EPHA5: variants seen among roughly 807,000 people sequenced by gnomAD.
The protein encoded by EPHA5 is ephrin type-A receptor 5.
Under a neutral mutation model 105.0 loss-of-function variants are expected in EPHA5, and 60 were observed. The observed-to-expected ratio is 0.57, with a 90% CI of 0.46 to 0.71. The LOEUF (loss-of-function observed/expected upper bound fraction) is 0.71. Among genes scored for constraint, EPHA5 ranks in the 30% least tolerant of loss-of-function variants. EPHA5 has a pLI of 0.00. For synonymous variants in EPHA5, 513 were observed against 449.1 expected, an observed-to-expected ratio of 1.14 and a Z score of -1.80; for missense variants, 1,218 against 1,274.7, an observed-to-expected ratio of 0.96 and a Z score of 0.68.
chr4:65,558,128 C>A (rs890707717), intron 3 of EPHA5, among the ~76,000 whole-genome samples: 9 of 152,090 alleles, frequency 5.9e-5, no homozygotes, highest in African/African-American at 2.2e-4. Context: ...CTGCCCACCT[C>A]AACCTCCCAA....
At chr4:65,488,451 G>C (rs1376088679) in intron 5 of EPHA5, among the ~76,000 whole-genome samples, 1 of 152,162 alleles carries the variant, frequency 6.6e-6, no homozygotes, top group African/African-American at 2.4e-5. Context: ...TGAAGCCAAA[G>C]GTTTCAAGCC....
chr4:65,649,374 A>T (rs1369562856), intron 1 of EPHA5, among the ~76,000 whole-genome samples: 1 of 152,218 alleles, frequency 6.6e-6, no homozygotes, highest in African/African-American at 2.4e-5. Context: ...CCTTGTTTGT[A>T]CATGAACCAA....
intron 8 of EPHA5, among the ~76,000 whole-genome samples, chr4:65,404,145 T>G (rs1209865871): frequency 1.3e-5 from 2 of 152,068 alleles, no homozygotes; most frequent in Non-Finnish European, 2.9e-5. Context: ...CAATAACACA[T>G]CAATACAGCT....
At chr4:65,502,509 A>G (rs1437155300) in intron 3 of EPHA5, among the ~76,000 whole-genome samples, 1 of 151,956 alleles carries the variant, frequency 6.6e-6, no homozygotes, top group African/African-American at 2.4e-5. Flanking sequence ...AATGCTCTAC[A>G]TCACCAATCG....
At chr4:65,632,776 G>T (rs2149493837) in intron 2 of EPHA5, among the ~76,000 whole-genome samples, 1 of 151,958 alleles carries the variant, frequency 6.6e-6, no homozygotes, top group East Asian at 1.9e-4. Context: ...TACAATAATT[G>T]CTATATTGAT....
At chr4:65,431,189 A>G (rs1449718055) in intron 5 of EPHA5, among the ~76,000 whole-genome samples, 2 of 152,176 alleles carry the variant, frequency 1.3e-5, no homozygotes, top group East Asian at 3.9e-4. Context: ...TGCACCATAG[A>G]TAAGATGAAC....
chr4:65,351,488 G>A lies in EPHA5; in HGVS notation c.2346C>T (p.Ala782=), dbSNP rs1467651391. 6.2e-7 allele frequency: 1 copy of A among 1,613,750 alleles called. No individual in the cohort carries two copies. ...DMGYVHRDLA[A]RNILINSNLV... The stretch of plus-strand genomic sequence containing the variant: ...GGTTACTGTTGATTAAGATGTTTCT[G>A]GCAGCAAGATCTCTATGCACATAGC... The change falls in exon 13 of 17, where the codon GCC becomes GCT. Residue 782 remains alanine (A), a synonymous_variant. Transcript: ENST00000613740.
At chr4:65,544,057 C>G (rs1450101014) in intron 3 of EPHA5, among the ~76,000 whole-genome samples, 1 of 151,970 alleles carries the variant, frequency 6.6e-6, no homozygotes, top group Non-Finnish European at 1.5e-5. Context: ...TCTTTACACA[C>G]CTTATACAAA....
At position 65,348,195 on chromosome 4, in the gene EPHA5, T is replaced by C. The variant is rs2148843276; in HGVS notation, c.2454A>G (p.Lys818=). 1.2e-6 allele frequency: 2 copies of C among 1,610,182 alleles called. No individual in the cohort carries two copies. The highest frequency in any genetic ancestry group is 1.1e-5 in the South Asian group (1 of 90,504). ...CTGGGGCAGTCCATCTGATTGGAAT[T>C]TTTCCTCCCTAAAATTGAAAAAGAT... ...PEAAYTTRGG[K]IPIRWTAPEA... is the part of the protein sequence containing the mutation. Residue 818 remains lysine, a synonymous_variant, in exon 14 of 17, where the codon AAA becomes AAG. Coordinates refer to ENST00000613740, the MANE Select transcript of EPHA5 (RefSeq NM_001281766.3).
At chr4:65,535,210 T>C (rs1310788095) in intron 3 of EPHA5, among the ~76,000 whole-genome samples, 2 of 152,162 alleles carry the variant, frequency 1.3e-5, no homozygotes, top group Admixed American at 6.5e-5. Context: ...AATCTATTAA[T>C]ATCATGTAAT....
At chr4:65,537,535 A>G (rs191897093) in intron 3 of EPHA5, among the ~76,000 whole-genome samples, 238 of 151,922 alleles carry the variant, frequency 1.6e-3, no homozygotes, top group Non-Finnish European at 3.0e-3. Flanking sequence ...ACAGTTTAAT[A>G]TAGGCTCAAT....
At chr4:65,604,078 G>T (rs1743991434) in intron 2 of EPHA5, among the ~76,000 whole-genome samples, 3 of 4,822 alleles carry the variant, frequency 6.2e-4, no homozygotes, top group Non-Finnish European at 8.1e-4. Flanking sequence ...TCTATAAAAA[G>T]AAAATAAAAC....
intron 5 of EPHA5, among the ~76,000 whole-genome samples, chr4:65,481,281 A>C (rs186528616): frequency 6.6e-6 from 1 of 152,276 alleles, no homozygotes; most frequent in Admixed American, 6.5e-5. Flanking sequence ...ATACATCAAA[A>C]CTCAAGTCTT....
At chr4:65,638,006 A>G (rs771236304) in intron 2 of EPHA5, among the ~76,000 whole-genome samples, 3 of 88,256 alleles carry the variant, frequency 3.4e-5, no homozygotes, top group Non-Finnish European at 7.7e-5. Context: ...GGAATGAATA[A>G]TAGTGTTTCC....
intron 13 of EPHA5, among the ~76,000 whole-genome samples, chr4:65,351,103 AT>A (rs1722772090): frequency 6.6e-6 from 1 of 151,894 alleles, no homozygotes; most frequent in Non-Finnish European, 1.5e-5. Flanking sequence ...ATTTAAGATG[AT>A]TATTCTTACA....
intron 1 of EPHA5, among the ~76,000 whole-genome samples, chr4:65,657,799 C>T (rs957157805): frequency 6.7e-6 from 1 of 150,008 alleles, no homozygotes; most frequent in Non-Finnish European, 1.5e-5. Flanking sequence ...TTATAACATA[C>T]TTCACTGATA....
chr4:65,596,562 C>T (rs1201686440), intron 3 of EPHA5, among the ~76,000 whole-genome samples: 1 of 151,842 alleles, frequency 6.6e-6, no homozygotes, highest in Non-Finnish European at 1.5e-5. Context: ...TAAAAGTAGG[C>T]CAGGGAGCAG....
intron 3 of EPHA5, among the ~76,000 whole-genome samples, chr4:65,517,371 T>G (rs904456524): frequency 6.6e-6 from 1 of 151,896 alleles, no homozygotes; most frequent in Non-Finnish European, 1.5e-5. Context: ...ATTTAAAATA[T>G]GTTTCTTATA....
intron 2 of EPHA5, among the ~76,000 whole-genome samples, chr4:65,639,230 T>G (rs962206136): frequency 2.6e-5 from 4 of 152,254 alleles, no homozygotes; most frequent in Non-Finnish European, 5.9e-5. Flanking sequence ...GTTGCATATG[T>G]GTAAAACCTA....
Sources: gnomAD v4.1 joint callset for allele counts (sites outside exome capture counted in the v4.1 genomes callset) on GRCh38, gnomAD v4.1.1 for gene constraint, MANE v1.5 for transcripts, NCBI Gene and HGNC (gene_info 2026-07-23, HGNC 2026-07-21) for gene names.